The following ACOT12 variants were observed in gnomAD, a reference collection of about 807,000 sequenced individuals.
The protein encoded by ACOT12 is acetyl-coenzyme A thioesterase.
Under a neutral mutation model 67.7 loss-of-function variants are expected in ACOT12, and 51 were observed. The observed-to-expected ratio is 0.75, with a 90% CI of 0.60 to 0.95. ACOT12 has a LOEUF of 0.95. ACOT12 is among the 40% of genes least tolerant of loss of function. The probability of loss-of-function intolerance (pLI) is 0.00; values close to 1 mark genes in which losing one functional copy is unlikely to be tolerated. For missense variants in ACOT12, 734 were observed against 708.1 expected (o/e 1.04, Z -0.41); for synonymous variants, 251 against 244.6 (o/e 1.03, Z -0.24).
chr5:81,326,159 C>T (rs1758671456), downstream of ACOT12, among the ~76,000 whole-genome samples: 1 of 140,386 alleles, frequency 7.1e-6, no homozygotes, highest in African/African-American at 2.7e-5. Context: ...CGAAGTCTCG[C>T]CCTGTTGCCA....
chr5:81,310,545 C>T, the ACOT12 span, among the ~76,000 whole-genome samples: 2,088 of 151,964 alleles, frequency 0.014, 36 homozygotes, highest in African/African-American at 0.046. Context: ...CTTAACATTT[C>T]GAGCATGATC....
At chr5:81,344,632 G>C (rs2153848873) in intron 8 of ACOT12, among the ~76,000 whole-genome samples, 1 of 152,280 alleles carries the variant, frequency 6.6e-6, no homozygotes, top group South Asian at 2.1e-4. Context: ...CCAGAAACAG[G>C]ACATAGAAGG....
intron 3 of ACOT12, among the ~76,000 whole-genome samples, chr5:81,364,139 T>C (rs1003906380): frequency 2.6e-5 from 4 of 151,528 alleles, no homozygotes; most frequent in African/African-American, 9.7e-5. Context: ...GAGTATATAT[T>C]ATCAGTAATC....
At chr5:81,364,481 G>T (rs1760014352) in intron 3 of ACOT12, among the ~76,000 whole-genome samples, 1 of 151,558 alleles carries the variant, frequency 6.6e-6, no homozygotes, top group Non-Finnish European at 1.5e-5. Flanking sequence ...AGGCTGGAGT[G>T]CAGTGGCACG....
intron 3 of ACOT12, among the ~76,000 whole-genome samples, chr5:81,368,921 G>A (rs945035206): frequency 1.4e-4 from 21 of 151,766 alleles, no homozygotes; most frequent in African/African-American, 4.8e-4. Flanking sequence ...AAAAAAAAAG[G>A]GTACTGACCT....
intron 1 of ACOT12, among the ~76,000 whole-genome samples, chr5:81,392,669 A>G (rs991052249): frequency 6.6e-6 from 1 of 151,994 alleles, no homozygotes; most frequent in Non-Finnish European, 1.5e-5. Context: ...TCAGTGGTTT[A>G]TGTATTATTC....
intron 2 of ACOT12, among the ~76,000 whole-genome samples, chr5:81,373,553 G>T (rs1760318924): frequency 6.6e-6 from 1 of 152,196 alleles, no homozygotes; most frequent in Non-Finnish European, 1.5e-5. Flanking sequence ...GCTGAAGCCA[G>T]GGAGCCGAGT....
intron 2 of ACOT12, among the ~76,000 whole-genome samples, chr5:81,372,799 TG>T (rs1368180755): frequency 9.9e-5 from 15 of 152,234 alleles, no homozygotes; most frequent in Admixed American, 9.8e-4. Context: ...GGCATTTTAC[TG>T]AGTAGTCCTG....
intron 3 of ACOT12, among the ~76,000 whole-genome samples, chr5:81,366,992 G>GA (rs958581954): frequency 3.3e-5 from 5 of 152,214 alleles, no homozygotes; most frequent in African/African-American, 9.6e-5. Context: ...TATAATAGCT[G>GA]AAAAAATCCA....
intron 1 of ACOT12, among the ~76,000 whole-genome samples, chr5:81,390,307 A>G (rs1305299435): frequency 6.6e-6 from 1 of 150,962 alleles, no homozygotes; most frequent in African/African-American, 2.4e-5. Flanking sequence ...TAGATTGGAT[A>G]ATTTATATTG....
chr5:81,354,084 T>C (rs559282439), intron 5 of ACOT12, among the ~76,000 whole-genome samples: 4 of 152,320 alleles, frequency 2.6e-5, no homozygotes, highest in African/African-American at 9.6e-5. Flanking sequence ...TGGAAGTTAG[T>C]AAAATTTCCA....
the ACOT12 span, among the ~76,000 whole-genome samples, chr5:81,322,469 A>AAC: frequency 0.062 from 8 of 128 alleles, no homozygotes; most frequent in Admixed American, 0.3. Context: ...AAAAATAAAC[A>AAC]AAAAAAAAAC....
chr5:81,384,567 C>T (rs891513464), intron 2 of ACOT12, among the ~76,000 whole-genome samples: 14 of 152,148 alleles, frequency 9.2e-5, no homozygotes, highest in African/African-American at 3.4e-4. Flanking sequence ...TAACAGGCTG[C>T]ACAAGTTTGT....
At chr5:81,373,594 A>G (rs1416340839) in intron 2 of ACOT12, among the ~76,000 whole-genome samples, 2 of 152,196 alleles carry the variant, frequency 1.3e-5, no homozygotes, top group Non-Finnish European at 2.9e-5. Context: ...ACGCTCACGG[A>G]GCCCAGCAAG....
the ACOT12 span, among the ~76,000 whole-genome samples, chr5:81,315,137 ATG>A: frequency 6.6e-6 from 1 of 152,164 alleles, no homozygotes; most frequent in African/African-American, 2.4e-5. Flanking sequence ...TGCCTCCTGA[ATG>A]TTCCTACTGG....
intron 2 of ACOT12, among the ~76,000 whole-genome samples, chr5:81,380,126 G>T (rs1041760305): frequency 6.6e-6 from 1 of 152,040 alleles, no homozygotes; most frequent in African/African-American, 2.4e-5. Flanking sequence ...TTAAATTTCT[G>T]GCACAGTTTT....
At chr5:81,313,582 A>G in the ACOT12 span, among the ~76,000 whole-genome samples, 6 of 152,190 alleles carry the variant, frequency 3.9e-5, no homozygotes, top group Non-Finnish European at 8.8e-5. Flanking sequence ...TGCATACTTA[A>G]TACATATATT....
intron 13 of ACOT12, among the ~76,000 whole-genome samples, chr5:81,331,558 G>A (rs184550914): frequency 6.6e-6 from 1 of 152,112 alleles, no homozygotes; most frequent in East Asian, 1.9e-4. Flanking sequence ...AATACCCATT[G>A]TTGTTAAAAG....
the ACOT12 span, among the ~76,000 whole-genome samples, chr5:81,318,300 C>CT: frequency 8.5e-5 from 13 of 152,052 alleles, no homozygotes; most frequent in African/African-American, 3.1e-4. Context: ...TTAGAGTATT[C>CT]TTTCTTCATT....
Sources: gnomAD v4.1 joint callset for allele counts (sites outside exome capture counted in the v4.1 genomes callset) on GRCh38, gnomAD v4.1.1 for gene constraint, MANE v1.5 for transcripts, NCBI Gene and HGNC (gene_info 2026-07-23, HGNC 2026-07-21) for gene names.